Variants in TBC1D1 observed in about 807,000 individuals in gnomAD.
TBC1D1 encodes the protein TBC1 (tre-2/USP6, BUB2, cdc16) domain family, member 1.
In TBC1D1, 89 loss-of-function variants were observed where a neutral mutation model predicts 125.6. The ratio of observed to expected loss-of-function variants is 0.71; its 90% CI spans 0.60 to 0.85. The LOEUF (loss-of-function observed/expected upper bound fraction) is 0.85, where lower values mean the gene tolerates loss of function less well. Among genes scored for constraint, TBC1D1 ranks in the 40% least tolerant of loss-of-function variants. The pLI, the probability that TBC1D1 is intolerant of heterozygous loss-of-function variation, is 0.00. For missense variants in TBC1D1, 1,377 were observed against 1,469.2 expected, an observed-to-expected ratio of 0.94 and a Z score of 1.03; for synonymous variants, 565 against 564.1, an observed-to-expected ratio of 1.00 and a Z score of -0.02.
chr4:38,110,994 A>G (rs1341867447), intron 15 of TBC1D1, among the ~76,000 whole-genome samples: 1 of 152,184 alleles, frequency 6.6e-6, no homozygotes, highest in Non-Finnish European at 1.5e-5. Context: ...GCTCATAGTT[A>G]AGGTGCCTTG....
rs548968121 is a variant in TBC1D1 at position 37,892,513 on chromosome 4, T to A, written c.-94+1165T>A. ...AGGAGACCTGGAAGGGACTAAGTGG[T>A]TCAAAGCAGGAAATAAAATCATCAG... On this transcript the variant is annotated intron_variant, in intron 1 of 19. Transcript: ENST00000261439. Among the ~76,000 whole-genome samples the A allele has an allele frequency of 7.2e-5, 11 of 152,314 alleles. No homozygotes were observed. The South Asian group carries it at 1.0e-3, about 14-fold the overall frequency.
chr4:37,897,662 C>T (rs1186763567), intron 1 of TBC1D1, among the ~76,000 whole-genome samples: 3 of 152,216 alleles, frequency 2.0e-5, no homozygotes, highest in Non-Finnish European at 2.9e-5. Flanking sequence ...TTCTGCTATG[C>T]TTGTTGCCAC....
rs1055516310 is a variant in TBC1D1 at position 38,035,679 on chromosome 4, A to G, written c.1394A>G (p.His465Arg). ...GAAGAGAAACAGAAAGAACACATCC[A>G]TATTGGGGAGATGAAGCAGGTATGG... The change falls in exon 8 of 20, where the codon CAT becomes CGT. Residue 465 changes from histidine (H) to arginine (R), a missense_variant. By Grantham distance (29) the His-to-Arg change is conservative. Coordinates refer to ENST00000261439, the MANE Select transcript of TBC1D1 (RefSeq NM_015173.4). The G allele has an allele frequency of 3.7e-6, 6 of 1,612,146 alleles. No individual in the cohort carries two copies. Among genetic ancestry groups the G allele is most frequent in the South Asian group, 1.1e-5 (1 of 90,738 alleles).
chr4:38,042,927 A>C (rs1220261082), intron 8 of TBC1D1, among the ~76,000 whole-genome samples: 1 of 152,114 alleles, frequency 6.6e-6, no homozygotes, highest in African/African-American at 2.4e-5. Flanking sequence ...TTTGAGATGG[A>C]GTCTCGCTCT....
chr4:38,049,558 G>T, intron 10 of TBC1D1, 60 bp from the exon 11 acceptor site: 1 of 1,525,520 alleles, frequency 6.6e-7, no homozygotes. Context: ...AGGAACTAGA[G>T]ATTTATAAAT....
chr4:37,972,680 C>T (rs4832974), intron 2 of TBC1D1, among the ~76,000 whole-genome samples: 93,254 of 151,230 alleles, frequency 0.62, 29,274 homozygotes, highest in East Asian at 0.93. Flanking sequence ...CCGAGGCGGG[C>T]GGGTCACCTG....
chr4:37,972,557 G>A (rs1348329473), intron 2 of TBC1D1, among the ~76,000 whole-genome samples: 4 of 151,500 alleles, frequency 2.6e-5, no homozygotes, highest in Admixed American at 6.6e-5. Context: ...GCAGTTCCTT[G>A]TGGGAAGGAT....
intron 13 of TBC1D1, among the ~76,000 whole-genome samples, chr4:38,093,858 A>G (rs530459943): frequency 1.3e-5 from 2 of 152,206 alleles, no homozygotes; most frequent in East Asian, 3.9e-4. Flanking sequence ...TTAAATGAAG[A>G]TGTGAGCAGC....
intron 1 of TBC1D1, among the ~76,000 whole-genome samples, chr4:37,897,563 AT>A (rs1714922840): frequency 6.6e-6 from 1 of 152,218 alleles, no homozygotes. Flanking sequence ...GGCAGGACTC[AT>A]TTGATGACTG....
At chr4:37,893,117 A>G in intron 1 of TBC1D1, among the ~76,000 whole-genome samples, 1 of 152,150 alleles carries the variant, frequency 6.6e-6, no homozygotes, top group South Asian at 2.1e-4. Flanking sequence ...TGGTGCCTGG[A>G]GCAGGCACCA....
At chr4:38,003,135 G>C (rs1340767845) in intron 2 of TBC1D1, among the ~76,000 whole-genome samples, 2 of 152,152 alleles carry the variant, frequency 1.3e-5, no homozygotes, top group African/African-American at 2.4e-5. Context: ...CATTCGATTT[G>C]GTAGAATGGA....
In TBC1D1 at chr4:38,014,070, G is replaced by C. The variant is rs116366673; in HGVS notation, c.418-439G>C. Among the ~76,000 whole-genome samples the C allele has an allele frequency of 0.01, 1,533 of 152,284 alleles. 12 individuals are homozygous for C. Among genetic ancestry groups the C allele is most frequent in the South Asian group, 0.018 (87 of 4,826 alleles). On this transcript the variant is annotated intron_variant, in intron 2 of 19. Transcript: ENST00000261439. The surrounding 1 kb of genome is among the most constrained non-coding windows in gnomAD (Gnocchi z 5.1). ...TACTGCCATGAGATCTAGAATAATT[G>C]AGTCATGTTTTGTGAACCACGTTGG...
At chr4:38,072,388 C>G (rs768191129) in intron 12 of TBC1D1, among the ~76,000 whole-genome samples, 10 of 152,208 alleles carry the variant, frequency 6.6e-5, no homozygotes, top group African/African-American at 2.4e-4. Context: ...GTGAGCTTTT[C>G]TCTGTTGCCT....
At chr4:38,085,087 G>A (rs1247767940) in intron 12 of TBC1D1, among the ~76,000 whole-genome samples, 2 of 152,200 alleles carry the variant, frequency 1.3e-5, no homozygotes, top group African/African-American at 4.8e-5. Flanking sequence ...ATGATGCAAT[G>A]TCATCCTCTT....
chr4:37,947,235 C>A (rs1726890745), intron 2 of TBC1D1, among the ~76,000 whole-genome samples: 1 of 152,226 alleles, frequency 6.6e-6, no homozygotes, highest in East Asian at 1.9e-4. Flanking sequence ...CTGCTCACTG[C>A]AACCTCCACT....
At chr4:38,021,768 C>T (rs766399001) in intron 6 of TBC1D1, 50 bp downstream of exon 6, 3 of 1,444,220 alleles carry the variant, frequency 2.1e-6, no homozygotes, top group Non-Finnish European at 2.7e-6. Context: ...TTAAAGGTCC[C>T]AGGAGAACTT....
At chr4:38,078,694 C>T (rs1756020110) in intron 12 of TBC1D1, among the ~76,000 whole-genome samples, 1 of 152,192 alleles carries the variant, frequency 6.6e-6, no homozygotes, top group African/African-American at 2.4e-5. Context: ...CACTAGAATA[C>T]ACTTGTACTG....
chr4:37,911,472 C>T (rs565215058), intron 2 of TBC1D1, among the ~76,000 whole-genome samples: 1 of 152,160 alleles, frequency 6.6e-6, no homozygotes, highest in East Asian at 1.9e-4. Context: ...GGGGAGGAGC[C>T]TGATGCAGGA....
intron 2 of TBC1D1, chr4:37,952,112 C>G: frequency 1.4e-6 from 1 of 716,452 alleles, no homozygotes; most frequent in Non-Finnish European, 2.6e-6. Context: ...CAACGTGAAG[C>G]TTGCTGCAAG....
Sources: gnomAD v4.1 joint callset for allele counts (sites outside exome capture counted in the v4.1 genomes callset) on GRCh38, gnomAD v4.1.1 for gene constraint, Gnocchi (gnomAD v3.1) non-coding constraint, MANE v1.5 for transcripts, NCBI Gene and HGNC (gene_info 2026-07-23, HGNC 2026-07-21) for gene names.